PTPRN2: variants seen among roughly 807,000 people sequenced by gnomAD.
PTPRN2 encodes receptor-type tyrosine-protein phosphatase N2.
PTPRN2 carries 74 observed loss-of-function variants against 118.8 expected under a neutral mutation model. That is an observed-to-expected ratio of 0.62 (90% CI 0.52 to 0.76). The LOEUF is 0.76. Among genes scored for constraint, PTPRN2 ranks in the 30% least tolerant of loss-of-function variants. PTPRN2 has a pLI of 0.00. For missense variants in PTPRN2, 1,481 were observed against 1,394.4 expected (o/e 1.06, Z -0.99); for synonymous variants, 641 against 608.0 (o/e 1.05, Z -0.80).
At chr7:158,416,321 C>G (rs1021156098) in intron 2 of PTPRN2, among the ~76,000 whole-genome samples, 1 of 152,196 alleles carries the variant, frequency 6.6e-6, no homozygotes, top group Non-Finnish European at 1.5e-5. Flanking sequence ...GATACATGGC[C>G]AAAGTTTAGA....
At chr7:157,777,295 C>T (rs1421315403) in intron 12 of PTPRN2, among the ~76,000 whole-genome samples, 3 of 152,244 alleles carry the variant, frequency 2.0e-5, no homozygotes, top group African/African-American at 4.8e-5. Context: ...CGCTGAGTTA[C>T]AGAAGGGGCC....
chr7:157,813,635 G>T lies in PTPRN2; in HGVS notation c.1788+85038C>A, dbSNP rs564137220. On this transcript the variant is annotated intron_variant, in intron 12 of 22. Transcript: ENST00000389418. The surrounding 1 kb of genome is among the most constrained non-coding windows in gnomAD (Gnocchi z 4.7). ...CTTTGCTGCCTCTGGGCGGGTCCGG[G>T]GGAGTCGCATTTCTTCCTCACTGCA... 1.3e-5 allele frequency among the ~76,000 whole-genome samples: 2 copies of T among 152,352 alleles called. No individual in the cohort carries two copies. The highest frequency in any genetic ancestry group is 6.5e-5 in the Admixed American group (1 of 15,304).
chr7:158,437,686 T>G (rs1816665838), intron 2 of PTPRN2, among the ~76,000 whole-genome samples: 1 of 152,210 alleles, frequency 6.6e-6, no homozygotes, highest in African/African-American at 2.4e-5. Flanking sequence ...GGCCCCTCTT[T>G]CTTAGAAGTT....
chr7:158,412,845 G>A (rs1451049265), intron 2 of PTPRN2, among the ~76,000 whole-genome samples: 27 of 99,096 alleles, frequency 2.7e-4, no homozygotes, highest in African/African-American at 6.5e-4. Flanking sequence ...CCCATCCAGT[G>A]CCCTCCTCAG....
At chr7:157,551,270 A>G (rs1386695472) in intron 21 of PTPRN2, among the ~76,000 whole-genome samples, 1 of 152,122 alleles carries the variant, frequency 6.6e-6, no homozygotes, top group African/African-American at 2.4e-5. Flanking sequence ...TACCTTTGGT[A>G]GGAGCTGTGG....
chr7:158,166,057 G>C (rs75183364), intron 6 of PTPRN2, among the ~76,000 whole-genome samples: 1 of 152,112 alleles, frequency 6.6e-6, no homozygotes, highest in East Asian at 1.9e-4. Flanking sequence ...TGGACTTAAC[G>C]TGTTCAGAGT....
At chr7:157,955,030 G>C (rs1046264944) in intron 11 of PTPRN2, among the ~76,000 whole-genome samples, 1 of 152,174 alleles carries the variant, frequency 6.6e-6, no homozygotes, top group African/African-American at 2.4e-5. Flanking sequence ...TGAAGCGGGT[G>C]GGGTGGAGGG....
Position 157,656,340 on chromosome 7 carries a change from G to A in PTPRN2, c.2196+17C>T, listed in dbSNP as rs1207074409. On this transcript the variant is annotated intron_variant, in intron 14 of 22. Coordinates refer to ENST00000389418, the MANE Select transcript of PTPRN2 (RefSeq NM_002847.5). The stretch of plus-strand genomic sequence containing the variant: ...CCCTGGTGTTTGTGTGGCAGGGAGT[G>A]CAAAGACTGGGCTTACCAGGATCAT... 4 of 1,539,106 alleles carry A rather than the reference G, an allele frequency of 2.6e-6. No homozygotes were observed. The African/African-American group carries it at 4.1e-5, about 16-fold the overall frequency.
intron 11 of PTPRN2, among the ~76,000 whole-genome samples, chr7:158,057,380 C>A (rs938640945): frequency 1.3e-5 from 2 of 152,288 alleles, no homozygotes; most frequent in African/African-American, 2.4e-5. Context: ...TGAACTTCCA[C>A]GTTACAGGCA....
intron 3 of PTPRN2, among the ~76,000 whole-genome samples, chr7:158,243,497 G>A (rs7810991): frequency 0.18 from 26,995 of 152,194 alleles, 2,767 homozygotes; most frequent in East Asian, 0.31. Flanking sequence ...GTGGAGAGAT[G>A]GTTACTCGTG....
chr7:158,171,163 C>T lies in PTPRN2; in HGVS notation c.550-3872G>A, dbSNP rs1398480796. 9.5e-4 allele frequency among the ~76,000 whole-genome samples: 133 copies of T among 139,378 alleles called. 2 individuals are homozygous for T. The highest frequency in any genetic ancestry group is 3.2e-3 in the African/African-American group (119 of 37,388). 91.4% of individuals were successfully genotyped at this position (139,378 alleles called of 152,430 possible). On this transcript the variant is annotated intron_variant, in intron 5 of 22. Coordinates refer to ENST00000389418, the MANE Select transcript of PTPRN2 (RefSeq NM_002847.5). ...ACACATATATATACACATATATATA[C>T]ACACATATATACACATATATACACA...
intron 14 of PTPRN2, among the ~76,000 whole-genome samples, chr7:157,633,911 C>T (rs900626723): frequency 1.3e-5 from 2 of 152,300 alleles, no homozygotes; most frequent in South Asian, 2.1e-4. Context: ...TTGATGGTGG[C>T]GCTTTTGGAA....
intron 1 of PTPRN2, among the ~76,000 whole-genome samples, chr7:158,549,119 G>A (rs772178222): frequency 2.4e-4 from 37 of 152,368 alleles, no homozygotes; most frequent in South Asian, 4.1e-4. Context: ...GAGCACAAGC[G>A]GGAAAGAATG....
chr7:158,420,095 T>C (rs899720046), intron 2 of PTPRN2, among the ~76,000 whole-genome samples: 3 of 152,232 alleles, frequency 2.0e-5, no homozygotes, highest in Non-Finnish European at 4.4e-5. Context: ...GCCACATTTG[T>C]GTCCAGCACA....
intron 2 of PTPRN2, among the ~76,000 whole-genome samples, chr7:158,337,439 C>A (rs1586353911): frequency 2.1e-5 from 3 of 142,228 alleles, no homozygotes; most frequent in Middle Eastern, 3.6e-3. Context: ...TAAGAGGTGA[C>A]ACCCACAGAC....
intron 2 of PTPRN2, among the ~76,000 whole-genome samples, chr7:158,415,588 G>C (rs1814591034): frequency 6.6e-6 from 1 of 152,092 alleles, no homozygotes; most frequent in Non-Finnish European, 1.5e-5. Context: ...AGAACCATGG[G>C]CCCATTCTAC....
chr7:158,481,408 G>A (rs1390719972), intron 2 of PTPRN2, among the ~76,000 whole-genome samples: 1 of 152,246 alleles, frequency 6.6e-6, no homozygotes, highest in African/African-American at 2.4e-5. Context: ...TTCCATGCCT[G>A]CTGACACCTC....
intron 14 of PTPRN2, among the ~76,000 whole-genome samples, chr7:157,653,313 C>T (rs958554278): frequency 6.6e-6 from 1 of 152,162 alleles, no homozygotes; most frequent in Non-Finnish European, 1.5e-5. Context: ...ATCCTGCCAT[C>T]CTCAGGTGAG....
At chr7:158,511,961 T>C (rs1823210279) in intron 1 of PTPRN2, among the ~76,000 whole-genome samples, 1 of 152,140 alleles carries the variant, frequency 6.6e-6, no homozygotes, top group African/African-American at 2.4e-5. Flanking sequence ...TCTATGTTAC[T>C]GTAACTGTGG....
Sources: allele counts gnomAD v4.1 joint callset (sites outside exome capture counted in the v4.1 genomes callset), GRCh38; gene constraint gnomAD v4.1.1; non-coding constraint Gnocchi (gnomAD v3.1); transcripts MANE v1.5; gene names NCBI Gene and HGNC (gene_info 2026-07-23, HGNC 2026-07-21).